KLHL22: variants seen among roughly 807,000 people sequenced by gnomAD.
KLHL22 encodes kelch like family member 22, also known as kelch-like protein 22.
In KLHL22, 18 loss-of-function variants were observed where a neutral mutation model predicts 60.7. The ratio of observed to expected loss-of-function variants is 0.30; its 90% confidence interval spans 0.20 to 0.44. The LOEUF is 0.44. Ranked by LOEUF, KLHL22 falls within the 20% of genes least tolerant of loss-of-function variation. The probability of loss-of-function intolerance (pLI) is 1.00; values close to 1 mark genes in which losing one functional copy is unlikely to be tolerated. For missense variants in KLHL22, 596 were observed against 852.3 expected, an observed-to-expected ratio of 0.70 and a Z score of 3.74; for synonymous variants, 355 against 354.5, an observed-to-expected ratio of 1.00 and a Z score of -0.01.
chr22:20,444,531 G>A (rs985702638), intron 6 of KLHL22, among the ~76,000 whole-genome samples: 11 of 152,092 alleles, frequency 7.2e-5, no homozygotes, highest in South Asian at 2.1e-4. Context: ...GAGGTGCCTC[G>A]TAACACAGCG....
chr22:20,476,710 G>T (rs2053420117), intron 2 of KLHL22, among the ~76,000 whole-genome samples: 1 of 138,010 alleles, frequency 7.2e-6, no homozygotes, highest in Admixed American at 7.4e-5. Context: ...ACCACGCCCG[G>T]CCTTTTTTTT....
intron 4 of KLHL22, among the ~76,000 whole-genome samples, chr22:20,462,344 T>C (rs190717098): frequency 5.3e-4 from 79 of 149,546 alleles, no homozygotes; most frequent in African/African-American, 1.9e-3. Flanking sequence ...GAAGGAAAAA[T>C]TACATTATTA....
At chr22:20,476,796 C>T (rs1430979236) in intron 2 of KLHL22, among the ~76,000 whole-genome samples, 2 of 150,614 alleles carry the variant, frequency 1.3e-5, no homozygotes, top group Non-Finnish European at 3.0e-5. Context: ...GCAACCTCCG[C>T]CTACCACGTT....
chr22:20,480,648 T>C (rs928596381), intron 2 of KLHL22, among the ~76,000 whole-genome samples: 3 of 152,224 alleles, frequency 2.0e-5, no homozygotes, highest in Non-Finnish European at 2.9e-5. Context: ...AGAAATACTG[T>C]ACACATGCCA....
intron 5 of KLHL22, chr22:20,451,082 T>G (rs2329356): frequency 0.076 from 111,253 of 1,458,436 alleles, 8,729 homozygotes; most frequent in East Asian, 0.47. Flanking sequence ...AGATGTTATG[T>G]GGCCTCAGTG....
chr22:20,487,803 G>GA (rs1346070581), intron 2 of KLHL22, among the ~76,000 whole-genome samples: 1 of 152,192 alleles, frequency 6.6e-6, no homozygotes, highest in Non-Finnish European at 1.5e-5. Context: ...GTCATCTTCA[G>GA]AAAGAGTGGT....
At chr22:20,473,597 C>T (rs190480547) in intron 2 of KLHL22, among the ~76,000 whole-genome samples, 204 of 152,260 alleles carry the variant, frequency 1.3e-3, no homozygotes, top group African/African-American at 4.8e-3. Context: ...TAGGTTAGGC[C>T]GGGCACAGTG....
intron 5 of KLHL22, chr22:20,451,736 A>G: frequency 6.4e-7 from 1 of 1,571,166 alleles, no homozygotes; most frequent in East Asian, 2.2e-5. Context: ...ATTGAATGTT[A>G]CAACCCTATC....
chr22:20,451,088 C>G, intron 5 of KLHL22: 1 of 1,464,608 alleles, frequency 6.8e-7, no homozygotes, highest in Non-Finnish European at 9.6e-7. Context: ...TATGTGGCCT[C>G]AGTGTCCCTA....
At chr22:20,480,227 G>A (rs540617130) in intron 2 of KLHL22, among the ~76,000 whole-genome samples, 90 of 152,234 alleles carry the variant, frequency 5.9e-4, no homozygotes, top group Non-Finnish European at 1.1e-3. Context: ...TGGTTTAGTG[G>A]GTATAGAGTT....
rs200549256 is a variant in KLHL22 at position 20,452,122 on chromosome 22, G to A, written c.1306-5446C>T. On this transcript the variant is annotated intron_variant, in intron 5 of 6. Transcript: ENST00000328879. ...TTTCCTGTCATTTCTAACTTACCAC[G>A]TGCTTGGTGTACTATATGTATGTTG... Among the ~76,000 whole-genome samples the A allele has an allele frequency of 1.3e-4, 20 of 151,836 alleles. No individual in the cohort carries two copies. In the East Asian group the frequency reaches 1.5e-3, roughly 12 times the overall value.
intron 4 of KLHL22, among the ~76,000 whole-genome samples, chr22:20,458,252 C>T (rs186256295): frequency 6.6e-6 from 1 of 151,142 alleles, no homozygotes; most frequent in Non-Finnish European, 1.5e-5. Flanking sequence ...CCTAACTGTC[C>T]ACCTGGGCTG....
intron 5 of KLHL22, chr22:20,450,026 C>T (rs2052949612): frequency 3.2e-6 from 2 of 625,896 alleles, no homozygotes; most frequent in African/African-American, 3.7e-5. Context: ...ACTCCATCCC[C>T]ACAGGCTGGG....
chr22:20,469,354 C>T (rs2053279060), intron 3 of KLHL22, among the ~76,000 whole-genome samples: 1 of 152,034 alleles, frequency 6.6e-6, no homozygotes, highest in African/African-American at 2.4e-5. Context: ...GGTCACAGGA[C>T]ACACAGAGCA....
intron 1 of KLHL22, among the ~76,000 whole-genome samples, chr22:20,493,423 C>A (rs911428248): frequency 1.3e-5 from 2 of 152,206 alleles, no homozygotes; most frequent in Non-Finnish European, 2.9e-5. Context: ...ATCACCAAAA[C>A]GTCCACCCTC....
Position 20,465,797 on chromosome 22 carries a change from A to G in KLHL22, c.394-221T>C, listed in dbSNP as rs757117681. ...AAACATACTGGGTGACAGGATATAC[A>G]GCATGTTTTTTTTTGGTTTTGTTTT... On this transcript the variant is annotated intron_variant, in intron 3 of 6. Coordinates refer to ENST00000328879, the MANE Select transcript of KLHL22 (RefSeq NM_032775.4). The surrounding 1 kb of genome is among the most constrained non-coding windows in gnomAD (Gnocchi z 4.9). Among the ~76,000 whole-genome samples the G allele has an allele frequency of 1.3e-5, 2 of 152,004 alleles. No individual in the cohort carries two copies. Among genetic ancestry groups the G allele is most frequent in the African/African-American group, 2.4e-5 (1 of 41,370 alleles).
chr22:20,453,576 G>A (rs373727433), intron 5 of KLHL22, among the ~76,000 whole-genome samples: 2 of 152,006 alleles, frequency 1.3e-5, no homozygotes, highest in African/African-American at 4.8e-5. Flanking sequence ...TCTTGAAATT[G>A]GGCAGACTCC....
intron 2 of KLHL22, chr22:20,481,219 C>G (rs956108980): frequency 6.6e-6 from 1 of 152,184 alleles, no homozygotes; most frequent in African/African-American, 2.4e-5. Flanking sequence ...ACAGATCAAA[C>G]TCATTCGTCT....
At position 20,471,392 on chromosome 22, in the gene KLHL22, C is replaced by T; in HGVS notation, c.351G>A (p.Leu117=). The T allele has an allele frequency of 6.2e-7, 1 of 1,614,032 alleles. No individual in the cohort carries two copies. The highest frequency in any genetic ancestry group is 8.5e-7 in the Non-Finnish European group (1 of 1,179,914). The change falls in exon 3 of 7, where the codon CTG becomes CTA. Residue 117 remains leucine (L), a synonymous_variant. Transcript: ENST00000328879. ...CCACCAGTGTCTCTTGTACATTGCT[C>T]AGGCTGAGCTCCAGCTCGGAGGTGT... is the stretch of plus-strand genomic sequence containing the variant. ...FIYTSELELS[L]SNVQETLVAA... is the part of the protein sequence containing the mutation.
Sources: gnomAD v4.1 joint callset for allele counts (sites outside exome capture counted in the v4.1 genomes callset) on GRCh38, gnomAD v4.1.1 for gene constraint, Gnocchi (gnomAD v3.1) non-coding constraint, MANE v1.5 for transcripts, NCBI Gene and HGNC (gene_info 2026-07-23, HGNC 2026-07-21) for gene names.